The following TMX2 variants were observed in gnomAD, a reference collection of about 807,000 sequenced individuals.
The protein encoded by TMX2 is thioredoxin-related transmembrane protein 2.
In TMX2, 20 loss-of-function variants were observed where a neutral mutation model predicts 33.4. The observed-to-expected ratio is 0.60, with a 90% CI of 0.42 to 0.87. TMX2 has a LOEUF of 0.87. Ranked by LOEUF, TMX2 falls within the 40% of genes least tolerant of loss-of-function variation. TMX2 has a pLI of 0.00. For missense variants in TMX2, 340 were observed against 370.7 expected (o/e 0.92, Z 0.68); for synonymous variants, 166 against 140.7 (o/e 1.18, Z -1.27).
intron 1 of TMX2, among the ~76,000 whole-genome samples, chr11:57,735,364 G>A (rs1195159638): frequency 2.0e-5 from 3 of 151,650 alleles, no homozygotes; most frequent in Non-Finnish European, 2.9e-5. Context: ...GTATGCCACC[G>A]TGCCTGGCTA....
rs767868831 is a variant in TMX2, at chr11:57,737,800, T to G, written c.251-113T>G. ...TTAATTCCAAGGCTGAATTTGAACT[T>G]GGACTTCTATCCCCTCCCTGTCTCC... is the stretch of plus-strand genomic sequence containing the variant. On this transcript the variant is annotated intron_variant, in intron 2 of 7. Transcript: ENST00000278422. The G allele has an allele frequency of 1.9e-6, 3 of 1,601,776 alleles. No homozygotes were observed. In the South Asian group the frequency reaches 3.3e-5, roughly 18 times the overall value.
At position 57,712,765 on chromosome 11, in the gene TMX2, GC is replaced by G. The variant is rs1203305618; in HGVS notation, c.150del (p.Thr51ProfsTer19). 1 of 1,614,128 alleles carries G rather than the reference GC, an allele frequency of 6.2e-7. No homozygotes were observed. The highest frequency in any genetic ancestry group is 8.5e-7 in the Non-Finnish European group (1 of 1,180,036). On this transcript the variant is annotated frameshift_variant, in exon 1 of 8. Coordinates refer to ENST00000278422, the MANE Select transcript of TMX2 (RefSeq NM_015959.4). LOFTEE classifies it high-confidence loss of function. ...AACTGCCGCCGCTCTGCCACGGTCTGCCCACCCAACGCGAAGACGGTAACCC... is the reference window on the plus strand; with the variant it reads ...AACTGCCGCCGCTCTGCCACGGTCTGCCACCCAACGCGAAGACGGTAACCC... ...RKLPPLCHGL[P>X]TQREDGNPCD... is the part of the protein sequence containing the mutation.
At chr11:57,739,820 G>C (rs1338828172) in intron 7 of TMX2, among the ~76,000 whole-genome samples, 1 of 152,154 alleles carries the variant, frequency 6.6e-6, no homozygotes, top group Admixed American at 6.5e-5. Context: ...TAGGTTCCCT[G>C]TCAGTTAATT....
chr11:57,730,371 G>A (rs1290043088), intron 1 of TMX2, among the ~76,000 whole-genome samples: 1 of 137,386 alleles, frequency 7.3e-6, no homozygotes, highest in Non-Finnish European at 1.5e-5. Flanking sequence ...AGGTTGCAGT[G>A]AGCCGAGATC....
intron 1 of TMX2, among the ~76,000 whole-genome samples, chr11:57,732,913 G>A (rs1175331516): frequency 6.6e-6 from 1 of 152,096 alleles, no homozygotes; most frequent in Non-Finnish European, 1.5e-5. Flanking sequence ...ATCATAGAGT[G>A]TACTTACACA....
At chr11:57,718,429 G>A in intron 1 of TMX2, 1 of 1,239,470 alleles carries the variant, frequency 8.1e-7, no homozygotes, top group Non-Finnish European at 1.2e-6. Context: ...GAGCACGAAA[G>A]TTTTCTGTTG....
At chr11:57,735,817 A>C (rs1442661351) in intron 1 of TMX2, among the ~76,000 whole-genome samples, 3 of 152,224 alleles carry the variant, frequency 2.0e-5, no homozygotes, top group Non-Finnish European at 4.4e-5. Context: ...TCAAGTCAAA[A>C]GGTGAAGCAG....
At chr11:57,719,286 C>G (rs910042668) in intron 1 of TMX2, among the ~76,000 whole-genome samples, 1 of 148,914 alleles carries the variant, frequency 6.7e-6, no homozygotes, top group Admixed American at 6.7e-5. Context: ...CCAGCTGCCT[C>G]GGCCTCCCAA....
intron 1 of TMX2, among the ~76,000 whole-genome samples, chr11:57,721,130 C>T (rs535822682): frequency 2.6e-5 from 4 of 151,946 alleles, no homozygotes; most frequent in East Asian, 3.9e-4. Flanking sequence ...AGTGAAACCC[C>T]GTCTCTACTA....
chr11:57,716,052 C>G (rs1946979298), intron 1 of TMX2, among the ~76,000 whole-genome samples: 1 of 152,276 alleles, frequency 6.6e-6, no homozygotes, highest in South Asian at 2.1e-4. Context: ...TTCTATTCCA[C>G]AAAACCGCCA....
intron 1 of TMX2, among the ~76,000 whole-genome samples, chr11:57,717,714 C>T (rs530426071): frequency 7.0e-4 from 9 of 12,918 alleles, no homozygotes; most frequent in South Asian, 6.1e-3. Flanking sequence ...AGAGGGAGAC[C>T]GAGAGGGAGA....
At chr11:57,716,507 T>C (rs1947061350) in intron 1 of TMX2, among the ~76,000 whole-genome samples, 2 of 102,540 alleles carry the variant, frequency 2.0e-5, no homozygotes, top group East Asian at 3.6e-4. Flanking sequence ...CACTTCCCAG[T>C]AGGGGCGGCC....
At chr11:57,717,753 G>GGGGAGAAC (rs1947271012) in intron 1 of TMX2, among the ~76,000 whole-genome samples, 2 of 133,474 alleles carry the variant, frequency 1.5e-5, no homozygotes, top group African/African-American at 5.9e-5. Flanking sequence ...AGAGGGGAGA[G>GGGGAGAAC]GGAGAGGCAG....
chr11:57,723,598 C>T (rs1017855867), intron 1 of TMX2, among the ~76,000 whole-genome samples: 37 of 151,140 alleles, frequency 2.4e-4, no homozygotes, highest in African/African-American at 8.5e-4. Flanking sequence ...GTCAGGAGTT[C>T]GAGACCAGCC....
intron 5 of TMX2, 76 bp from the exon 6 acceptor site, chr11:57,738,898 C>T: frequency 6.4e-7 from 1 of 1,556,242 alleles, no homozygotes; most frequent in Admixed American, 1.7e-5. Context: ...TCCCTCTCCC[C>T]TCTTAAATAT....
intron 1 of TMX2, among the ~76,000 whole-genome samples, chr11:57,729,934 C>A (rs2135567058): frequency 6.6e-6 from 1 of 151,006 alleles, no homozygotes; most frequent in South Asian, 2.1e-4. Flanking sequence ...ATGGTGAAAC[C>A]CCGTCTCTAC....
intron 1 of TMX2, among the ~76,000 whole-genome samples, chr11:57,731,604 A>G (rs1241111573): frequency 6.6e-6 from 1 of 152,048 alleles, no homozygotes; most frequent in Admixed American, 6.5e-5. Flanking sequence ...TTGCCTCAGA[A>G]TAAATCTCTT....
intron 1 of TMX2, among the ~76,000 whole-genome samples, chr11:57,736,883 C>CAA (rs759801548): frequency 3.1e-3 from 247 of 80,130 alleles, no homozygotes; most frequent in Non-Finnish European, 5.5e-3. Context: ...AAGACTGTCT[C>CAA]AAAAAAAAAA....
At chr11:57,729,102 A>G (rs1413813852) in intron 1 of TMX2, among the ~76,000 whole-genome samples, 3 of 152,018 alleles carry the variant, frequency 2.0e-5, no homozygotes, top group African/African-American at 7.2e-5. Context: ...ACCCTAGGCT[A>G]CAGCTCAGCT....
Sources: allele counts gnomAD v4.1 joint callset (sites outside exome capture counted in the v4.1 genomes callset), GRCh38; gene constraint gnomAD v4.1.1; transcripts MANE v1.5; gene names NCBI Gene and HGNC (gene_info 2026-07-23, HGNC 2026-07-21).